Variants in CDH12 observed in about 807,000 individuals in gnomAD.
CDH12 encodes cadherin-12.
A neutral mutation model predicts 74.1 loss-of-function variants in CDH12; 41 were observed. The ratio of observed to expected loss-of-function variants is 0.55; its 90% CI spans 0.43 to 0.72. The LOEUF is 0.72. Among genes scored for constraint, CDH12 ranks in the 30% least tolerant of loss-of-function variants. CDH12 has a pLI of 0.00. For synonymous variants in CDH12, 399 were observed against 355.0 expected, an observed-to-expected ratio of 1.12 and a Z score of -1.39; for missense variants, 945 against 977.2, an observed-to-expected ratio of 0.97 and a Z score of 0.44.
At chr5:22,444,248 A>G (rs1263925763) in intron 2 of CDH12, among the ~76,000 whole-genome samples, 1 of 152,108 alleles carries the variant, frequency 6.6e-6, no homozygotes, top group African/African-American at 2.4e-5. Context: ...ATACATGCAC[A>G]CACACACACT....
chr5:22,326,266 C>G (rs2920747), intron 3 of CDH12, among the ~76,000 whole-genome samples: 79,278 of 151,386 alleles, frequency 0.52, 22,179 homozygotes, highest in African/African-American at 0.73. Flanking sequence ...ACGGATTCTC[C>G]CTCTGTCGCC....
intron 6 of CDH12, among the ~76,000 whole-genome samples, chr5:21,962,384 T>C (rs996124418): frequency 9.9e-5 from 15 of 152,180 alleles, no homozygotes; most frequent in African/African-American, 3.4e-4. Flanking sequence ...GACTCTTTCA[T>C]TGTATATTTT....
intron 1 of CDH12, among the ~76,000 whole-genome samples, chr5:22,742,686 C>A (rs539352355): frequency 2.7e-4 from 41 of 150,734 alleles, no homozygotes; most frequent in Non-Finnish European, 3.4e-4. Flanking sequence ...TATTTAGGAT[C>A]TATTGCACAA....
chr5:21,782,679 C>T (rs1036219131), intron 11 of CDH12, among the ~76,000 whole-genome samples: 6 of 152,142 alleles, frequency 3.9e-5, no homozygotes, highest in African/African-American at 7.2e-5. Flanking sequence ...AAGAGCCAAA[C>T]GTCACCACTT....
At chr5:22,080,863 T>C (rs1028139460) in intron 4 of CDH12, among the ~76,000 whole-genome samples, 165 of 152,224 alleles carry the variant, frequency 1.1e-3, no homozygotes, top group Non-Finnish European at 1.4e-3. Context: ...CATTGCAATC[T>C]CCGCCTCCTG....
intron 3 of CDH12, among the ~76,000 whole-genome samples, chr5:22,275,694 T>C (rs1157115716): frequency 1.3e-5 from 2 of 152,210 alleles, no homozygotes; most frequent in Non-Finnish European, 2.9e-5. Context: ...TCATTTATGT[T>C]GTAGAGTAAC....
chr5:22,607,524 T>G (rs2126821404), intron 1 of CDH12, among the ~76,000 whole-genome samples: 1 of 152,246 alleles, frequency 6.6e-6, no homozygotes, highest in Middle Eastern at 3.4e-3. Context: ...TGTCTGAAAC[T>G]TACTCACTAT....
At position 22,334,010 on chromosome 5, in the gene CDH12, C is replaced by T. The variant is rs538575850; in HGVS notation, c.-333+71247G>A. ...AATTAAAGCCATGTATAACGGACCA[C>T]ATGTAGTATCACATTGACTGGGTAA... On this transcript the variant is annotated intron_variant, in intron 3 of 14. Coordinates refer to ENST00000382254, the MANE Select transcript of CDH12 (RefSeq NM_004061.5). Among the ~76,000 whole-genome samples, 13 of 152,280 alleles carry T rather than the reference C, an allele frequency of 8.5e-5. No individual in the cohort carries two copies. In the Middle Eastern group the frequency reaches 0.01, roughly 120 times the overall value.
chr5:22,304,640 G>A (rs1030445888), intron 3 of CDH12, among the ~76,000 whole-genome samples: 13 of 152,184 alleles, frequency 8.5e-5, no homozygotes, highest in Non-Finnish European at 1.3e-4. Context: ...ATGATAGGAT[G>A]TGAATAATCA....
chr5:22,751,570 T>C (rs1315797597), intron 1 of CDH12, among the ~76,000 whole-genome samples: 1 of 152,048 alleles, frequency 6.6e-6, no homozygotes, highest in Non-Finnish European at 1.5e-5. Context: ...CTCATCATTC[T>C]TAAAATAGAC....
intron 4 of CDH12, among the ~76,000 whole-genome samples, chr5:22,100,652 G>GACACACACACACACACACAC (rs150777646): frequency 2.0e-4 from 29 of 144,344 alleles, no homozygotes; most frequent in African/African-American, 4.9e-4. Context: ...CCATACATTA[G>GACACACACACACACACACAC]ACACACACAC....
intron 4 of CDH12, among the ~76,000 whole-genome samples, chr5:22,120,888 A>T (rs185098872): frequency 3.9e-5 from 6 of 152,298 alleles, no homozygotes; most frequent in Admixed American, 3.3e-4. Flanking sequence ...TTTTATCATC[A>T]CAAGGTTACT....
At chr5:22,594,752 G>T (rs544807742) in intron 1 of CDH12, among the ~76,000 whole-genome samples, 2 of 152,108 alleles carry the variant, frequency 1.3e-5, no homozygotes, top group African/African-American at 4.8e-5. Flanking sequence ...GGGACGAAAT[G>T]ATTTGTTTAT....
intron 4 of CDH12, among the ~76,000 whole-genome samples, chr5:22,147,519 T>C (rs1454432583): frequency 1.3e-5 from 2 of 152,046 alleles, no homozygotes; most frequent in African/African-American, 4.8e-5. Context: ...CTAATCTTTT[T>C]GAAAAGTATC....
In CDH12 at chr5:22,380,579, A is replaced by G. The variant is rs901126722; in HGVS notation, c.-333+24678T>C. ...ATGTACTTTCATAATAGAATTAATT[A>G]TTTTGAGTAGGCATATATGTTAAAA... is the stretch of plus-strand genomic sequence containing the variant. On this transcript the variant is annotated intron_variant, in intron 3 of 14. Coordinates refer to ENST00000382254, the MANE Select transcript of CDH12 (RefSeq NM_004061.5). Among the ~76,000 whole-genome samples the G allele has an allele frequency of 4.6e-5, 7 of 152,234 alleles. No homozygotes were observed. The South Asian group carries it at 1.0e-3, about 23-fold the overall frequency.
intron 1 of CDH12, among the ~76,000 whole-genome samples, chr5:22,547,603 T>G (rs938956981): frequency 6.6e-6 from 1 of 152,206 alleles, no homozygotes; most frequent in Non-Finnish European, 1.5e-5. Context: ...TACAGTAACA[T>G]ATTCCAGAGC....
intron 1 of CDH12, among the ~76,000 whole-genome samples, chr5:22,611,712 C>T (rs1174813966): frequency 6.6e-6 from 1 of 152,112 alleles, no homozygotes; most frequent in African/African-American, 2.4e-5. Flanking sequence ...TGACTGCATG[C>T]CTATCACCCA....
At chr5:22,807,612 C>CA (rs1296730758) in intron 1 of CDH12, among the ~76,000 whole-genome samples, 2 of 152,334 alleles carry the variant, frequency 1.3e-5, no homozygotes, top group Middle Eastern at 3.4e-3. Context: ...TAGCCCACTA[C>CA]ATACCTAGGC....
At chr5:22,048,564 T>TA (rs1395730027) in intron 5 of CDH12, among the ~76,000 whole-genome samples, 1 of 152,096 alleles carries the variant, frequency 6.6e-6, no homozygotes, top group African/African-American at 2.4e-5. Flanking sequence ...ATGACTGATA[T>TA]ATTGATGACA....
Sources: allele counts gnomAD v4.1 joint callset (sites outside exome capture counted in the v4.1 genomes callset), GRCh38; gene constraint gnomAD v4.1.1; transcripts MANE v1.5; gene names NCBI Gene and HGNC (gene_info 2026-07-23, HGNC 2026-07-21).